Variants in PAPPA observed in about 807,000 individuals in gnomAD.
PAPPA encodes pappalysin 1.
In PAPPA, 60 loss-of-function variants were observed where a neutral mutation model predicts 164.0. The observed-to-expected ratio is 0.37, with a 90% CI of 0.30 to 0.45. The LOEUF is 0.45. Ranked by LOEUF, PAPPA falls within the 20% of genes least tolerant of loss-of-function variation. The pLI is 1.00. For missense variants in PAPPA, 1,782 were observed against 2,087.3 expected (o/e 0.85, Z 2.85); for synonymous variants, 875 against 814.1 (o/e 1.07, Z -1.27).
chr9:116,237,175 C>T (rs1844678415), intron 7 of PAPPA, among the ~76,000 whole-genome samples: 1 of 152,212 alleles, frequency 6.6e-6, no homozygotes, highest in South Asian at 2.1e-4. Flanking sequence ...ACCAGCACTT[C>T]CTTTTACATA....
Position 116,187,137 on chromosome 9 carries a change from C to G in PAPPA, c.416-17C>G. On this transcript the variant is annotated splice_polypyrimidine_tract_variant and intron_variant, in intron 1 of 21. Transcript: ENST00000328252. This position sits in a 1 kb window ranked among gnomAD's most constrained non-coding sequence, Gnocchi z 4.2. ...CCATCCTTTATTTATTCATCTTTCT[C>G]TTTTGGGGCCACATAGGGCTGTATG... The G allele has an allele frequency of 6.4e-7, 1 of 1,565,656 alleles. No homozygotes were observed. Among genetic ancestry groups the G allele is most frequent in the Non-Finnish European group, 8.8e-7 (1 of 1,139,384 alleles).
chr9:116,198,672 G>T (rs76361702), intron 2 of PAPPA, among the ~76,000 whole-genome samples: 1 of 152,176 alleles, frequency 6.6e-6, no homozygotes, highest in African/African-American at 2.4e-5. Flanking sequence ...AGGATGATTC[G>T]TGTTAACCTA....
At chr9:116,213,693 C>A (rs378556) in intron 4 of PAPPA, among the ~76,000 whole-genome samples, 6 of 152,016 alleles carry the variant, frequency 3.9e-5, no homozygotes, top group Non-Finnish European at 7.4e-5. Flanking sequence ...TTGTACAGAT[C>A]TAAAGGGTGA....
At chr9:116,382,555 G>C (rs1846746418) in intron 21 of PAPPA, 62 bp downstream of exon 21, 3 of 970,022 alleles carry the variant, frequency 3.1e-6, no homozygotes, top group Non-Finnish European at 5.1e-6. Context: ...TGTGGGGCCA[G>C]GATCACTCCT....
At chr9:116,249,275 G>C (rs1844832480) in intron 7 of PAPPA, among the ~76,000 whole-genome samples, 1 of 152,186 alleles carries the variant, frequency 6.6e-6, no homozygotes, top group African/African-American at 2.4e-5. Flanking sequence ...CCTGAAAGAG[G>C]CAGCAACTAA....
intron 1 of PAPPA, among the ~76,000 whole-genome samples, chr9:116,176,328 T>C (rs1564174353): frequency 1.3e-5 from 2 of 152,134 alleles, no homozygotes; most frequent in African/African-American, 4.8e-5. Context: ...GGGGGAATAG[T>C]GAAAAATAGG....
chr9:116,363,631 A>T (rs1013536663), intron 18 of PAPPA, among the ~76,000 whole-genome samples: 3 of 152,188 alleles, frequency 2.0e-5, no homozygotes, highest in African/African-American at 7.2e-5. Flanking sequence ...CCATGATGAA[A>T]AGCCTAGGGA....
intron 19 of PAPPA, among the ~76,000 whole-genome samples, chr9:116,368,849 T>G (rs184558859): frequency 6.6e-6 from 1 of 152,120 alleles, no homozygotes. Flanking sequence ...AACCTGATAC[T>G]GGGTGTACTG....
At chr9:116,362,098 A>T (rs891213582) in intron 17 of PAPPA, among the ~76,000 whole-genome samples, 1 of 152,202 alleles carries the variant, frequency 6.6e-6, no homozygotes, top group Non-Finnish European at 1.5e-5. Context: ...TTGGAAAAAA[A>T]GCTTCTCAGC....
At chr9:116,364,865 T>C (rs182959747) in intron 18 of PAPPA, among the ~76,000 whole-genome samples, 1 of 152,104 alleles carries the variant, frequency 6.6e-6, no homozygotes, top group African/African-American at 2.4e-5. Context: ...AATTAACTCC[T>C]TTCCTGTACC....
At chr9:116,365,826 T>C (rs1846494041) in intron 18 of PAPPA, among the ~76,000 whole-genome samples, 1 of 152,074 alleles carries the variant, frequency 6.6e-6, no homozygotes. Flanking sequence ...TCTCTCCTGT[T>C]TCGATGGCTG....
In PAPPA at chr9:116,399,928, A is replaced by ATTCT. The variant is rs1371790215; in HGVS notation, c.*3315_*3318dup. ...GCTTAAATACTATTTGTTGAAAATA[A>ATTCT]TTCTTTGAGACAGATTTCAGCTACC... is the stretch of plus-strand genomic sequence containing the variant. On this transcript the variant is annotated 3_prime_UTR_variant, in exon 22 of 22. Transcript: ENST00000328252. The ATTCT allele has an allele frequency of 1.3e-5, 2 of 152,588 alleles. No homozygotes were observed. The highest frequency in any genetic ancestry group is 2.9e-5 in the Non-Finnish European group (2 of 68,032). 9.5% of individuals were successfully genotyped at this position (152,588 alleles called of 1,614,324 possible).
In PAPPA at chr9:116,398,810, T is replaced by C; in HGVS notation, c.*2194T>C. ...ATTTATATCCAGACCATTACTTCACTATAATTACAAGGACAAATTATTAGC... is the reference window on the plus strand; with the variant it reads ...ATTTATATCCAGACCATTACTTCACCATAATTACAAGGACAAATTATTAGC... On this transcript the variant is annotated 3_prime_UTR_variant, in exon 22 of 22. Coordinates refer to ENST00000328252, the MANE Select transcript of PAPPA (RefSeq NM_002581.5). 2.5e-6 allele frequency: 1 copy of C among 393,858 alleles called. No homozygotes were observed. Among genetic ancestry groups the C allele is most frequent in the South Asian group, 1.9e-5 (1 of 53,662 alleles). The allele number at this position is 393,858 out of a possible 1,614,324, so 24.4% of individuals were successfully genotyped here.
At chr9:116,278,053 A>G (rs1845222686) in intron 9 of PAPPA, among the ~76,000 whole-genome samples, 1 of 152,186 alleles carries the variant, frequency 6.6e-6, no homozygotes, top group Admixed American at 6.5e-5. Flanking sequence ...AGAGGAAAAA[A>G]CTGTGGTTCA....
intron 7 of PAPPA, among the ~76,000 whole-genome samples, chr9:116,255,774 A>C (rs1194599192): frequency 6.6e-6 from 1 of 151,966 alleles, no homozygotes; most frequent in Admixed American, 6.6e-5. Flanking sequence ...CGACCCCTGA[A>C]AATCTACATG....
At chr9:116,183,026 C>T (rs931943202) in intron 1 of PAPPA, among the ~76,000 whole-genome samples, 1 of 152,144 alleles carries the variant, frequency 6.6e-6, no homozygotes, top group Admixed American at 6.5e-5. Flanking sequence ...ATGTGGCCTT[C>T]GGTTTTGCCA....
chr9:116,322,236 C>A (rs901928749), intron 10 of PAPPA, among the ~76,000 whole-genome samples: 8 of 151,858 alleles, frequency 5.3e-5, no homozygotes, highest in Non-Finnish European at 8.8e-5. Flanking sequence ...TGGTAAAAAC[C>A]CCATCTCTAC....
Position 116,154,341 on chromosome 9 carries a change from G to A in PAPPA, c.169G>A (p.Ala57Thr), listed in dbSNP as rs1843572793. 2.4e-6 allele frequency: 2 copies of A among 827,602 alleles called. No homozygotes were observed. Among genetic ancestry groups the A allele is most frequent in the Non-Finnish European group, 2.9e-6 (2 of 693,504 alleles). The allele number at this position is 827,602 out of a possible 1,614,324, so 51.3% of individuals were successfully genotyped here. A position where few individuals can be genotyped will look rare whatever the true frequency, so the allele number is the denominator to read the frequency against. ...CATRAARGRR[A>T]SPPPPPPPGG... ...CACCCGGGCGGCCCGCGGCCGCCGC[G>A]CCTCGCCGCCGCCGCCGCCGCCGCC... Residue 57 changes from alanine to threonine, a missense_variant, in exon 1 of 22, where the codon GCC (alanine) becomes ACC (threonine). Around this residue, in one of 2 missense-constraint regions of PAPPA, gnomAD observed 458 missense variants for 430.3 expected, o/e 1.06. Coordinates refer to ENST00000328252, the MANE Select transcript of PAPPA (RefSeq NM_002581.5). This position sits in a 1 kb window ranked among gnomAD's most constrained non-coding sequence, Gnocchi z 5.2.
chr9:116,218,913 G>A (rs185201830), intron 4 of PAPPA, among the ~76,000 whole-genome samples: 3 of 152,250 alleles, frequency 2.0e-5, no homozygotes, highest in South Asian at 2.1e-4. Context: ...CTCCAGAGAA[G>A]GAAAGGGGTT....
Sources: allele counts gnomAD v4.1 joint callset (sites outside exome capture counted in the v4.1 genomes callset), GRCh38; gene constraint gnomAD v4.1.1; regional missense constraint gnomAD v4.1.1; non-coding constraint Gnocchi (gnomAD v3.1); transcripts MANE v1.5; gene names NCBI Gene and HGNC (gene_info 2026-07-23, HGNC 2026-07-21).